Variants in ANXA8 observed in about 807,000 individuals in gnomAD.
The protein encoded by ANXA8 is annexin A8.
ANXA8 carries 9 observed loss-of-function variants against 26.8 expected under a neutral mutation model. The ratio of observed to expected loss-of-function variants is 0.34; its 90% CI spans 0.20 to 0.59. The LOEUF is 0.59. Among genes scored for constraint, ANXA8 ranks in the 20% least tolerant of loss-of-function variants. ANXA8 has a pLI of 0.84. For missense variants in ANXA8, 83 were observed against 238.5 expected, an observed-to-expected ratio of 0.35 and a Z score of 4.29; for synonymous variants, 39 against 94.8, an observed-to-expected ratio of 0.41 and a Z score of 3.42.
chr10:47,966,814 G>C, the ANXA8 span, among the ~76,000 whole-genome samples: 1 of 87,096 alleles, frequency 1.1e-5, no homozygotes, highest in Non-Finnish European at 2.6e-5. Flanking sequence ...AGGCGAGTTT[G>C]TTGTTTAACA....
At chr10:47,693,179 T>C in the ANXA8 span, among the ~76,000 whole-genome samples, 1 of 151,736 alleles carries the variant, frequency 6.6e-6, no homozygotes, top group Non-Finnish European at 1.5e-5. Context: ...GAGGCGGTAT[T>C]TAGAAAAAGA....
At chr10:47,618,374 A>G in the ANXA8 span, among the ~76,000 whole-genome samples, 1 of 111,540 alleles carries the variant, frequency 9.0e-6, no homozygotes, top group African/African-American at 3.5e-5. Context: ...CAAGTCACTT[A>G]TCATTTAATA....
the ANXA8 span, among the ~76,000 whole-genome samples, chr10:47,957,343 G>A: frequency 1.4e-4 from 21 of 150,438 alleles, 1 homozygote; most frequent in South Asian, 2.7e-3. Flanking sequence ...CTGGGGACCC[G>A]TGACCTAAGG....
the ANXA8 span, among the ~76,000 whole-genome samples, chr10:47,675,959 T>C: frequency 4.0e-5 from 6 of 149,536 alleles, no homozygotes; most frequent in Admixed American, 2.0e-4. Flanking sequence ...GTGAAAAATA[T>C]ACTAGCAGAG....
the ANXA8 span, among the ~76,000 whole-genome samples, chr10:47,983,000 A>G: frequency 8.3e-6 from 1 of 120,592 alleles, no homozygotes; most frequent in Non-Finnish European, 1.8e-5. Flanking sequence ...TGACATTATT[A>G]GTCATTAGGA....
the ANXA8 span, chr10:47,502,343 T>C: frequency 0.06 from 85,352 of 1,433,998 alleles, 24,229 homozygotes; most frequent in East Asian, 0.39. Flanking sequence ...TCCTCATCAG[T>C]GGTGGCCCGC....
chr10:47,954,633 G>C, the ANXA8 span, among the ~76,000 whole-genome samples: 1 of 151,196 alleles, frequency 6.6e-6, no homozygotes, highest in African/African-American at 2.4e-5. Flanking sequence ...ATTACGCATT[G>C]CATGCCTGTA....
the ANXA8 span, among the ~76,000 whole-genome samples, chr10:47,941,218 A>C: frequency 6.8e-6 from 1 of 146,580 alleles, no homozygotes; most frequent in South Asian, 2.2e-4. Flanking sequence ...AGAAATATTT[A>C]AGAAACACAG....
chr10:47,480,859 C>CCCATCCATCCATCCAT (rs566985938), intron 1 of ANXA8, among the ~76,000 whole-genome samples: 1 of 128,484 alleles, frequency 7.8e-6, no homozygotes, highest in African/African-American at 2.7e-5. Context: ...TATGCACCCG[C>CCCATCCATCCATCCAT]CCATCCATCC....
the ANXA8 span, among the ~76,000 whole-genome samples, chr10:47,676,247 T>C: frequency 6.6e-6 from 1 of 151,898 alleles, no homozygotes; most frequent in African/African-American, 2.4e-5. Flanking sequence ...GAAGAGAACG[T>C]GGCAGAAGAC....
intron 1 of ANXA8, 91 bp downstream of exon 1, chr10:47,483,822 G>A: frequency 6.2e-7 from 1 of 1,610,806 alleles, no homozygotes; most frequent in Middle Eastern, 2.3e-4. Context: ...GCCACTCCCA[G>A]CCAAGGGCGA....
the ANXA8 span, among the ~76,000 whole-genome samples, chr10:47,647,840 CA>C: frequency 1.3e-5 from 2 of 151,756 alleles, no homozygotes; most frequent in Non-Finnish European, 2.9e-5. Context: ...AAAATTTGAC[CA>C]CATAGGAAAT....
chr10:47,694,198 A>C, the ANXA8 span, among the ~76,000 whole-genome samples: 2 of 151,678 alleles, frequency 1.3e-5, no homozygotes, highest in African/African-American at 4.9e-5. Context: ...GATTTCTATG[A>C]ACTTTTTTTA....
the ANXA8 span, among the ~76,000 whole-genome samples, chr10:47,515,771 T>A: frequency 7.3e-6 from 1 of 137,650 alleles, no homozygotes; most frequent in Non-Finnish European, 1.6e-5. Context: ...CAGAAGAAAC[T>A]GAAATGTCTT....
chr10:47,483,415 G>A (rs1179192612), intron 1 of ANXA8, among the ~76,000 whole-genome samples: 2 of 134,970 alleles, frequency 1.5e-5, no homozygotes, highest in Non-Finnish European at 3.1e-5. Context: ...TGCTTCCCCA[G>A]GTCCATCTCC....
At chr10:47,571,834 C>T in the ANXA8 span, among the ~76,000 whole-genome samples, 35 of 148,062 alleles carry the variant, frequency 2.4e-4, no homozygotes, top group Non-Finnish European at 4.6e-4. Flanking sequence ...GACATGGTCT[C>T]ATCACGTATC....
the ANXA8 span, among the ~76,000 whole-genome samples, chr10:47,505,544 T>G: frequency 5.2e-5 from 7 of 134,054 alleles, no homozygotes; most frequent in African/African-American, 1.9e-4. Flanking sequence ...GAAAAATCAC[T>G]TTTTTCACAG....
chr10:47,626,591 G>A, the ANXA8 span, among the ~76,000 whole-genome samples: 1 of 149,824 alleles, frequency 6.7e-6, no homozygotes. Context: ...TAAAAATATT[G>A]CTTCACTTAT....
chr10:47,481,569 G>A (rs1351630253), intron 1 of ANXA8, among the ~76,000 whole-genome samples: 5 of 151,330 alleles, frequency 3.3e-5, no homozygotes, highest in African/African-American at 1.2e-4. Context: ...AGCACTCGGG[G>A]GCTGTGGTGC....
Sources: allele counts gnomAD v4.1 joint callset (sites outside exome capture counted in the v4.1 genomes callset), GRCh38; gene constraint gnomAD v4.1.1; transcripts MANE v1.5; gene names NCBI Gene and HGNC (gene_info 2026-07-23, HGNC 2026-07-21).